The following CTNNA2 variants were observed in gnomAD, a reference collection of about 807,000 sequenced individuals.
CTNNA2 encodes the protein catenin alpha-2.
Under a neutral mutation model 101.0 loss-of-function variants are expected in CTNNA2, and 42 were observed. The ratio of observed to expected loss-of-function variants is 0.42; its 90% CI spans 0.32 to 0.54. The LOEUF (loss-of-function observed/expected upper bound fraction) is 0.54, where lower values mean the gene tolerates loss of function less well. CTNNA2 is among the 20% of genes least tolerant of loss of function. CTNNA2 has a pLI of 0.14. For missense variants in CTNNA2, 871 were observed against 1,223.1 expected (o/e 0.71, Z 4.29); for synonymous variants, 450 against 456.4 (o/e 0.99, Z 0.18).
chr2:79,938,335 G>A (rs1451704796), intron 7 of CTNNA2, among the ~76,000 whole-genome samples: 1 of 152,144 alleles, frequency 6.6e-6, no homozygotes, highest in African/African-American at 2.4e-5. Flanking sequence ...TTCAGAAAAT[G>A]GAGTATCAGA....
At chr2:79,771,680 G>A (rs925334454) in intron 3 of CTNNA2, among the ~76,000 whole-genome samples, 31 of 152,286 alleles carry the variant, frequency 2.0e-4, no homozygotes, top group Non-Finnish European at 4.1e-4. Context: ...GACAGGAGGC[G>A]GAGCTCAGGC....
At chr2:80,461,366 T>A (rs1684409266) in intron 9 of CTNNA2, among the ~76,000 whole-genome samples, 1 of 152,100 alleles carries the variant, frequency 6.6e-6, no homozygotes, top group Non-Finnish European at 1.5e-5. Context: ...TAATTTTTCA[T>A]CCACTGACCT....
intron 3 of CTNNA2, among the ~76,000 whole-genome samples, chr2:79,846,544 A>T (rs1393501742): frequency 6.6e-6 from 1 of 152,250 alleles, no homozygotes; most frequent in East Asian, 1.9e-4. Context: ...ATCCAAACTG[A>T]TATACAAAGG....
intron 7 of CTNNA2, among the ~76,000 whole-genome samples, chr2:80,185,229 C>T (rs1417672209): frequency 2.0e-5 from 3 of 152,194 alleles, no homozygotes; most frequent in African/African-American, 7.2e-5. Flanking sequence ...GGCCAGAAGT[C>T]ACCCTCAGTT....
At chr2:80,507,122 G>A (rs1482951098) in intron 9 of CTNNA2, among the ~76,000 whole-genome samples, 2 of 152,110 alleles carry the variant, frequency 1.3e-5, no homozygotes. Flanking sequence ...GGGTACCATG[G>A]CAATTTAACC....
chr2:79,349,553 A>G (rs1486410461), intron 3 of CTNNA2, among the ~76,000 whole-genome samples: 2 of 152,250 alleles, frequency 1.3e-5, no homozygotes, highest in African/African-American at 2.4e-5. Flanking sequence ...GATCCAGCCA[A>G]ATATAAATGG....
chr2:80,568,180 C>G (rs185637537), intron 12 of CTNNA2, among the ~76,000 whole-genome samples: 91 of 152,276 alleles, frequency 6.0e-4, no homozygotes, highest in African/African-American at 2.1e-3. Flanking sequence ...TCCCTACAGA[C>G]CAAACCCAGA....
intron 2 of CTNNA2, among the ~76,000 whole-genome samples, chr2:79,198,438 A>G (rs2104174852): frequency 6.6e-6 from 1 of 152,366 alleles, no homozygotes; most frequent in South Asian, 2.1e-4. Context: ...ATCTAATTCA[A>G]AAGCTATTTC....
At chr2:80,198,601 T>A (rs1249931498) in intron 7 of CTNNA2, among the ~76,000 whole-genome samples, 1 of 152,182 alleles carries the variant, frequency 6.6e-6, no homozygotes, top group Non-Finnish European at 1.5e-5. Flanking sequence ...GTGAGACTGT[T>A]TTTAACCAAT....
intron 4 of CTNNA2, among the ~76,000 whole-genome samples, chr2:79,431,102 A>C (rs1678655263): frequency 6.6e-6 from 1 of 152,212 alleles, no homozygotes; most frequent in Admixed American, 6.5e-5. Context: ...TTCAGTCAAG[A>C]GAGTGGACTG....
intron 7 of CTNNA2, among the ~76,000 whole-genome samples, chr2:79,948,902 A>G (rs1472122788): frequency 6.6e-6 from 1 of 152,158 alleles, no homozygotes; most frequent in African/African-American, 2.4e-5. Context: ...CGGGAGGCGG[A>G]GCTTGCAGTG....
chr2:79,250,264 G>A (rs992318708), intron 2 of CTNNA2, among the ~76,000 whole-genome samples: 1 of 152,074 alleles, frequency 6.6e-6, no homozygotes, highest in Admixed American at 6.6e-5. Flanking sequence ...CAAGACTTAG[G>A]TCTACAGAAA....
chr2:80,242,098 A>C (rs918863852), intron 7 of CTNNA2, among the ~76,000 whole-genome samples: 1 of 152,212 alleles, frequency 6.6e-6, no homozygotes, highest in African/African-American at 2.4e-5. Context: ...AGCTCATTAG[A>C]TTCTCTGAAT....
intron 7 of CTNNA2, among the ~76,000 whole-genome samples, chr2:79,977,332 CAT>C (rs1339570104): frequency 2.6e-5 from 4 of 151,904 alleles, no homozygotes; most frequent in Non-Finnish European, 5.9e-5. Context: ...CTCCAAGGGA[CAT>C]GTGGTAAACG....
At chr2:79,223,411 A>G (rs537886073) in intron 2 of CTNNA2, among the ~76,000 whole-genome samples, 1 of 152,334 alleles carries the variant, frequency 6.6e-6, no homozygotes, top group South Asian at 2.1e-4. Flanking sequence ...TTCTTCTTCC[A>G]TCTTCAGTTT....
chr2:80,274,852 T>C (rs1183129828), intron 7 of CTNNA2, among the ~76,000 whole-genome samples: 2 of 152,178 alleles, frequency 1.3e-5, no homozygotes, highest in Non-Finnish European at 2.9e-5. Flanking sequence ...AGGCATTTAC[T>C]GGTCCCTCTT....
At chr2:80,438,480 G>T (rs1289717353) in intron 9 of CTNNA2, among the ~76,000 whole-genome samples, 3 of 151,482 alleles carry the variant, frequency 2.0e-5, no homozygotes, top group South Asian at 2.1e-4. Context: ...ACTTTCATTT[G>T]TTTTGAAGGC....
intron 7 of CTNNA2, among the ~76,000 whole-genome samples, chr2:79,946,946 G>T (rs10496235): frequency 6.6e-6 from 1 of 152,062 alleles, no homozygotes; most frequent in Admixed American, 6.6e-5. Context: ...GTTATGTTCT[G>T]CTGATCCAAA....
intron 1 of CTNNA2, among the ~76,000 whole-genome samples, chr2:79,539,924 G>A (rs998943966): frequency 6.6e-6 from 1 of 152,056 alleles, no homozygotes. Context: ...CCCCACCCAG[G>A]TCTTGTTTCT....
Sources: gnomAD v4.1 joint callset for allele counts (sites outside exome capture counted in the v4.1 genomes callset) on GRCh38, gnomAD v4.1.1 for gene constraint, MANE v1.5 for transcripts, NCBI Gene and HGNC (gene_info 2026-07-23, HGNC 2026-07-21) for gene names.